Variants in BRF2 observed in about 807,000 individuals in gnomAD.
The protein encoded by BRF2 is transcription factor IIIB 50 kDa subunit.
Under a neutral mutation model 26.6 loss-of-function variants are expected in BRF2, and 17 were observed. The observed-to-expected ratio is 0.64, with a 90% CI of 0.44 to 0.96. BRF2 has a LOEUF of 0.96. Ranked by LOEUF, BRF2 falls within the 40% of genes least tolerant of loss-of-function variation. The pLI is 0.00. For synonymous variants in BRF2, 219 were observed against 226.6 expected, an observed-to-expected ratio of 0.97 and a Z score of 0.30; for missense variants, 515 against 537.0, an observed-to-expected ratio of 0.96 and a Z score of 0.40.
At chr8:37,849,608 C>T (rs772481562) in intron 1 of BRF2, 22 bp downstream of exon 1, 1 of 1,602,098 alleles carries the variant, frequency 6.2e-7, no homozygotes, top group Non-Finnish European at 8.5e-7. Context: ...CCGCCCCAGG[C>T]TGTCCCCAGG....
chr8:37,849,798 CA>C lies in BRF2; in HGVS notation c.-16del, dbSNP rs1585418624. 3 of 1,597,944 alleles carry C rather than the reference CA, an allele frequency of 1.9e-6. No homozygotes were observed. In the East Asian group the frequency reaches 6.8e-5, roughly 36 times the overall value. ...CTGCCTGGCATCTCACAACCGGCCC[CA>C]AAGCCGCGGAAGCCTTCAGAGACTC... On this transcript the variant is annotated 5_prime_UTR_variant, in exon 1 of 4. Coordinates refer to ENST00000220659, the MANE Select transcript of BRF2 (RefSeq NM_018310.4).
At position 37,849,725 on chromosome 8, in the gene BRF2, T is replaced by C; in HGVS notation, c.59A>G (p.His20Arg). 1 of 1,613,590 alleles carries C rather than the reference T, an allele frequency of 6.2e-7. No homozygotes were observed. The highest frequency in any genetic ancestry group is 8.5e-7 in the Non-Finnish European group (1 of 1,180,004). ...CGSTELVEDS[H>R]YSQSQLVCSD... Reference sequence around the variant, plus strand: ...GCACACCAGCTGGCTCTGCGAATAGTGCGAGTCTTCCACCAGCTCCGTGGA... The same window carrying C: ...GCACACCAGCTGGCTCTGCGAATAGCGCGAGTCTTCCACCAGCTCCGTGGA... Residue 20 changes from histidine to arginine, a missense_variant, in exon 1 of 4, where the codon CAC (histidine) becomes CGC (arginine). Transcript: ENST00000220659.
Position 37,849,102 on chromosome 8 carries a change from T to A in BRF2, c.155-447A>T, listed in dbSNP as rs974830052. Among the ~76,000 whole-genome samples the A allele has an allele frequency of 5.9e-5, 9 of 151,954 alleles. No homozygotes were observed. In the East Asian group the frequency reaches 7.7e-4, roughly 13 times the overall value. ...CATACCTGGCTAATTAAAAAAAAAT[T>A]TTTTTAGGCACTTGTCTCGTTACGT... On this transcript the variant is annotated intron_variant, in intron 1 of 3. Coordinates refer to ENST00000220659, the MANE Select transcript of BRF2 (RefSeq NM_018310.4).
chr8:37,849,560 A>G, intron 1 of BRF2, 70 bp downstream of exon 1: 2 of 1,252,928 alleles, frequency 1.6e-6, no homozygotes, highest in Admixed American at 1.9e-5. Context: ...GTATGGGGGG[A>G]GCGGGGAGGC....
Position 37,845,024 on chromosome 8 carries a change from C to A in BRF2, c.726G>T (p.Arg242=). ...LAWQSLQPAD[R]LSCSLARFCK... is the part of the protein sequence containing the mutation. Reference sequence around the variant, plus strand: ...AAAATCGGGCAAGGGAACATGAAAGCCGATCTGCAGGCTGCAGCGACTGCC... The same window carrying A: ...AAAATCGGGCAAGGGAACATGAAAGACGATCTGCAGGCTGCAGCGACTGCC... Residue 242 remains arginine, a synonymous_variant, in exon 4 of 4, where the codon CGG becomes CGT. Transcript: ENST00000220659. 1 of 1,613,984 alleles carries A rather than the reference C, an allele frequency of 6.2e-7. No homozygotes were observed. The highest frequency in any genetic ancestry group is 1.1e-5 in the South Asian group (1 of 91,076).
intron 2 of BRF2, chr8:37,847,439 GCT>G (rs1447547210): frequency 5.1e-6 from 3 of 583,174 alleles, no homozygotes; most frequent in Admixed American, 4.3e-5. Flanking sequence ...TTTTATCCAG[GCT>G]CTTAGAGGCT....
At chr8:37,848,571 TG>T in intron 2 of BRF2, 24 bp downstream of exon 2, 1 of 1,611,444 alleles carries the variant, frequency 6.2e-7, no homozygotes, top group Non-Finnish European at 8.5e-7. Flanking sequence ...TTAAAGCCAC[TG>T]TGTTGTAAAA....
At chr8:37,847,999 G>C (rs948693510) in intron 2 of BRF2, among the ~76,000 whole-genome samples, 14 of 150,890 alleles carry the variant, frequency 9.3e-5, no homozygotes, top group African/African-American at 2.9e-4. Flanking sequence ...ACCCAGGCCG[G>C]AGTGCTGTGG....
intron 3 of BRF2, 145 bp downstream of exon 3, chr8:37,846,709 G>C: frequency 1.5e-6 from 1 of 673,562 alleles, no homozygotes. Context: ...GGAGGTTGCA[G>C]TGAGCTGAGA....
At chr8:37,847,385 C>T (rs1805982408) in intron 2 of BRF2, 6 of 672,102 alleles carry the variant, frequency 8.9e-6, no homozygotes, top group Non-Finnish European at 1.6e-5. Flanking sequence ...ACATTTCAGC[C>T]CACTAGTTTT....
intron 3 of BRF2, among the ~76,000 whole-genome samples, chr8:37,845,417 C>T (rs556176937): frequency 6.6e-6 from 1 of 151,686 alleles, no homozygotes; most frequent in Non-Finnish European, 1.5e-5. Context: ...GAGGAGAGCA[C>T]GAACATTTAT....
In BRF2 at chr8:37,846,273, G is replaced by A. The variant is rs544518921; in HGVS notation, c.536+581C>T. 1.3e-3 allele frequency among the ~76,000 whole-genome samples: 195 copies of A among 151,374 alleles called. 2 individuals are homozygous for A. The highest frequency in any genetic ancestry group is 7.9e-3 in the Admixed American group (120 of 15,182). On this transcript the variant is annotated intron_variant, in intron 3 of 3. Coordinates refer to ENST00000220659, the MANE Select transcript of BRF2 (RefSeq NM_018310.4). ...TGAGGCACAAAAATCACTTGAACCC[G>A]GGAGGTGGAGGTTGCCGTGAGCCGA...
rs375366669 is a variant in BRF2, at chr8:37,847,056, G to C, written c.334C>G (p.Gln112Glu). 2 of 1,614,220 alleles carry C rather than the reference G, an allele frequency of 1.2e-6. No individual in the cohort carries two copies. The highest frequency in any genetic ancestry group is 2.2e-5 in the South Asian group (2 of 91,092). The stretch of plus-strand genomic sequence containing the variant: ...CACCCAACCAACACCTCCTTCTTTT[G>C]CAGCCTGGCCGCTCGGATGCCAGAG... ...RHSGIRAARL[Q>E]KKEVLVGCCV... The change falls in exon 3 of 4, where the codon CAA becomes GAA. Residue 112 changes from glutamine to glutamate, a missense_variant. Gln to Glu is a conservative substitution (Grantham distance 29). Coordinates refer to ENST00000220659, the MANE Select transcript of BRF2 (RefSeq NM_018310.4).
chr8:37,846,628 A>T (rs991549613), intron 3 of BRF2, among the ~76,000 whole-genome samples: 1 of 152,110 alleles, frequency 6.6e-6, no homozygotes, highest in Non-Finnish European at 1.5e-5. Flanking sequence ...TTAGCCAGGC[A>T]TGGTGGCAGG....
intron 3 of BRF2, chr8:37,845,658 C>T (rs978085938): frequency 7.2e-6 from 5 of 694,732 alleles, no homozygotes; most frequent in South Asian, 4.6e-5. Context: ...GAGAAAAGAG[C>T]CAGGCGCAGT....
At chr8:37,845,334 T>C in intron 3 of BRF2, 121 bp from the exon 4 acceptor site, 1 of 774,998 alleles carries the variant, frequency 1.3e-6, no homozygotes, top group Non-Finnish European at 2.2e-6. Flanking sequence ...TCAAGCTCAC[T>C]GGGCAGCAAG....
At position 37,849,748 on chromosome 8, in the gene BRF2, G is replaced by A. The variant is rs971512123; in HGVS notation, c.36C>T (p.Ser12=). Residue 12 remains serine (S), a synonymous_variant, in exon 1 of 4, where the codon TCC becomes TCT. Coordinates refer to ENST00000220659, the MANE Select transcript of BRF2 (RefSeq NM_018310.4). ...AGTGCGAGTCTTCCACCAGCTCCGTGGAGCCGCAGTCCGGGCAGCGGCCTC... is the reference window on the plus strand; with the variant it reads ...AGTGCGAGTCTTCCACCAGCTCCGTAGAGCCGCAGTCCGGGCAGCGGCCTC... ...PGRGRCPDCG[S]TELVEDSHYS... is the part of the protein sequence containing the mutation. 8 of 1,612,940 alleles carry A rather than the reference G, an allele frequency of 5.0e-6. No homozygotes were observed. Among genetic ancestry groups the A allele is most frequent in the Non-Finnish European group, 6.8e-6 (8 of 1,179,878 alleles).
intron 2 of BRF2, chr8:37,847,427 A>T (rs543427659): frequency 1.6e-6 from 1 of 609,360 alleles, no homozygotes; most frequent in African/African-American, 1.8e-5. Flanking sequence ...GCCAAGCCCA[A>T]GTTTTATCCA....
chr8:37,844,347 G>A lies in BRF2; in HGVS notation c.*143C>T. 1 of 1,064,912 alleles carries A rather than the reference G, an allele frequency of 9.4e-7. No homozygotes were observed. Among genetic ancestry groups the A allele is most frequent in the Non-Finnish European group, 1.4e-6 (1 of 731,300 alleles). The allele number at this position is 1,064,912 out of a possible 1,614,324, so 66.0% of individuals were successfully genotyped here. Reference sequence around the variant, plus strand: ...TCCTGACTTTACTCCAGGACCCAGGGTCCAACTAATGGCAGAGCCCCTCTT... The same window carrying A: ...TCCTGACTTTACTCCAGGACCCAGGATCCAACTAATGGCAGAGCCCCTCTT... On this transcript the variant is annotated 3_prime_UTR_variant, in exon 4 of 4. Coordinates refer to ENST00000220659, the MANE Select transcript of BRF2 (RefSeq NM_018310.4).
Sources: gnomAD v4.1 joint callset for allele counts (sites outside exome capture counted in the v4.1 genomes callset) on GRCh38, gnomAD v4.1.1 for gene constraint, MANE v1.5 for transcripts, NCBI Gene and HGNC (gene_info 2026-07-23, HGNC 2026-07-21) for gene names.